PRUNE2: variants seen among roughly 807,000 people sequenced by gnomAD.
PRUNE2 encodes the protein protein prune homolog 2.
Under a neutral mutation model 252.0 loss-of-function variants are expected in PRUNE2, and 164 were observed. That is an observed-to-expected ratio of 0.65 (90% CI 0.57 to 0.74). The LOEUF (loss-of-function observed/expected upper bound fraction) is 0.74. Among genes scored for constraint, PRUNE2 ranks in the 30% least tolerant of loss-of-function variants. PRUNE2 has a pLI of 0.00. For synonymous variants in PRUNE2, 1,292 were observed against 1,350.2 expected (o/e 0.96, Z 0.94); for missense variants, 3,495 against 3,711.0 (o/e 0.94, Z 1.51).
chr9:76,641,381 G>A lies in PRUNE2; in HGVS notation c.8729-3093C>T, dbSNP rs192712780. On this transcript the variant is annotated intron_variant, in intron 12 of 18. Transcript: ENST00000376718. ...TCCTCCAAAATCAAGAGCCAGTGCC[G>A]TTGGCAGGCTTGGGAGATATTTCAG... is the stretch of plus-strand genomic sequence containing the variant. Among the ~76,000 whole-genome samples the A allele has an allele frequency of 2.2e-3, 334 of 152,268 alleles. 1 individual carries two copies. The highest frequency in any genetic ancestry group is 3.8e-3 in the Non-Finnish European group (260 of 68,014).
intron 6 of PRUNE2, among the ~76,000 whole-genome samples, chr9:76,727,130 T>G (rs1222171494): frequency 6.6e-6 from 1 of 152,236 alleles, no homozygotes; most frequent in Non-Finnish European, 1.5e-5. Context: ...ATAGCATATC[T>G]GGCCTTGACC....
intron 12 of PRUNE2, among the ~76,000 whole-genome samples, chr9:76,642,990 G>C (rs1286002032): frequency 1.3e-5 from 2 of 152,160 alleles, no homozygotes; most frequent in East Asian, 1.9e-4. Context: ...ACAGAATGGA[G>C]ACGAGCAAAT....
chr9:76,711,068 GA>G lies in PRUNE2; in HGVS notation c.1205del (p.Phe402SerfsTer2), dbSNP rs753123522. ...CATTGAGATCTGGAGGGTTCTCTAT[GA>G]AATTCACAGAGCTGGGTTGTGGCTC... is the stretch of plus-strand genomic sequence containing the variant. ...DIEPQPSSVN[F>X]IENPPDLNDS... is the part of the protein sequence containing the mutation. On this transcript the variant is annotated frameshift_variant, in exon 8 of 19. Coordinates refer to ENST00000376718, the MANE Select transcript of PRUNE2 (RefSeq NM_015225.3). LOFTEE classifies it high-confidence loss of function. 1 of 1,614,012 alleles carries G rather than the reference GA, an allele frequency of 6.2e-7. No homozygotes were observed. Among genetic ancestry groups the G allele is most frequent in the Admixed American group, 1.7e-5 (1 of 60,016 alleles).
chr9:76,614,496 C>T lies in PRUNE2; in HGVS notation c.*74G>A. Reference sequence around the variant, plus strand: ...AAAGTGGAAAAAGGTAACATCAGCCCTGTCTCTTTCAGGTAGATATGTTTC... The same window carrying T: ...AAAGTGGAAAAAGGTAACATCAGCCTTGTCTCTTTCAGGTAGATATGTTTC... On this transcript the variant is annotated 3_prime_UTR_variant, in exon 19 of 19. Transcript: ENST00000376718. The T allele has an allele frequency of 8.0e-7, 1 of 1,250,214 alleles. No homozygotes were observed. The highest frequency in any genetic ancestry group is 1.2e-6 in the Non-Finnish European group (1 of 852,208). 77.4% of individuals were successfully genotyped at this position (1,250,214 alleles called of 1,614,324 possible). A position where few individuals can be genotyped will look rare whatever the true frequency, so the allele number is the denominator to read the frequency against.
intron 6 of PRUNE2, among the ~76,000 whole-genome samples, chr9:76,736,270 AC>A (rs1412507708): frequency 1.3e-5 from 2 of 152,148 alleles, no homozygotes; most frequent in African/African-American, 2.4e-5. Context: ...GTGAAAAAAA[AC>A]CACATAAAGT....
Position 76,703,763 on chromosome 9 carries a change from T to C in PRUNE2, c.7850A>G (p.Lys2617Arg). 1.2e-6 allele frequency: 2 copies of C among 1,613,756 alleles called. No individual in the cohort carries two copies. Among genetic ancestry groups the C allele is most frequent in the Non-Finnish European group, 1.7e-6 (2 of 1,179,872 alleles). ...KGLSAEKMSS[K>R]SDTRSSFESP... ...TTCAAAAGATGATCTCGTATCGCTT[T>C]TAGAAGACATTTTCTCTGCAGAGAG... is the stretch of plus-strand genomic sequence containing the variant. Residue 2617 changes from lysine (K) to arginine (R), a missense_variant, in exon 9 of 19, where the codon AAA (lysine) becomes AGA (arginine). Coordinates refer to ENST00000376718, the MANE Select transcript of PRUNE2 (RefSeq NM_015225.3).
rs2048278788 is a variant in PRUNE2 at position 76,728,099 on chromosome 9, A to G, written c.757-14378T>C. ...TCTTTTATCTCCATAATGGTAACCT[A>G]AAATATGGCAGATATTTGAGGGTAT... On this transcript the variant is annotated intron_variant, in intron 6 of 18. Coordinates refer to ENST00000376718, the MANE Select transcript of PRUNE2 (RefSeq NM_015225.3). 2.6e-5 allele frequency among the ~76,000 whole-genome samples: 4 copies of G among 152,156 alleles called. No individual in the cohort carries two copies. The South Asian group carries it at 8.3e-4, about 32-fold the overall frequency.
chr9:76,904,266 G>A (rs894931043), intron 1 of PRUNE2, among the ~76,000 whole-genome samples: 2 of 151,552 alleles, frequency 1.3e-5, no homozygotes, highest in African/African-American at 4.9e-5. Context: ...GCAATTGCTC[G>A]TCTAATGAAG....
chr9:76,835,587 T>C (rs956236378), intron 4 of PRUNE2, among the ~76,000 whole-genome samples: 1 of 152,188 alleles, frequency 6.6e-6, no homozygotes, highest in South Asian at 2.1e-4. Context: ...ATTTTGGTTT[T>C]ATAACTAGCA....
intron 6 of PRUNE2, among the ~76,000 whole-genome samples, chr9:76,726,166 A>G (rs1262707599): frequency 1.3e-5 from 2 of 152,196 alleles, no homozygotes; most frequent in Non-Finnish European, 2.9e-5. Context: ...TTTGGTCATG[A>G]GTTTGAAAAC....
rs558381708 is a variant in PRUNE2 at position 76,749,137 on chromosome 9, A to G, written c.757-35416T>C. On this transcript the variant is annotated intron_variant, in intron 6 of 18. Coordinates refer to ENST00000376718, the MANE Select transcript of PRUNE2 (RefSeq NM_015225.3). ...GGATTACAAGACGTCGGTTCCATGT[A>G]GAAACTAAAGATTACACTGTAACAT... 4.1e-4 allele frequency among the ~76,000 whole-genome samples: 62 copies of G among 152,362 alleles called. 2 individuals carry two copies. In the Middle Eastern group the frequency reaches 0.01, roughly 25 times the overall value.
At chr9:76,847,935 T>C (rs2059755426) in intron 3 of PRUNE2, among the ~76,000 whole-genome samples, 1 of 152,184 alleles carries the variant, frequency 6.6e-6, no homozygotes, top group South Asian at 2.1e-4. Flanking sequence ...CAATTGATTG[T>C]ATTTATCTGT....
intron 9 of PRUNE2, among the ~76,000 whole-genome samples, chr9:76,664,839 T>A (rs945060139): frequency 2.0e-5 from 3 of 152,200 alleles, no homozygotes; most frequent in African/African-American, 7.2e-5. Context: ...CAGCAATAGC[T>A]AACTAATACA....
intron 2 of PRUNE2, among the ~76,000 whole-genome samples, chr9:76,852,363 G>C (rs1174082660): frequency 1.3e-5 from 2 of 152,202 alleles, no homozygotes; most frequent in Non-Finnish European, 2.9e-5. Context: ...ATGTAAATCA[G>C]GCATGTGGCC....
intron 6 of PRUNE2, among the ~76,000 whole-genome samples, chr9:76,724,303 CAAAAAAA>C (rs796291956): frequency 1.0e-3 from 70 of 69,410 alleles, no homozygotes; most frequent in Middle Eastern, 0.021. Context: ...GATAGAAATA[CAAAAAAA>C]AAAAAAAAAA....
chr9:76,868,423 C>T lies in PRUNE2; in HGVS notation c.37-14215G>A, dbSNP rs537561964. Among the ~76,000 whole-genome samples, 21 of 152,324 alleles carry T rather than the reference C, an allele frequency of 1.4e-4. No individual in the cohort carries two copies. In the South Asian group the frequency reaches 4.3e-3, roughly 32 times the overall value. The stretch of plus-strand genomic sequence containing the variant: ...TGCCTTGCAGGTGTCCACACATACA[C>T]TCAGGCCTGAGCTGGTTTACTGTGC... On this transcript the variant is annotated intron_variant, in intron 1 of 18. Coordinates refer to ENST00000376718, the MANE Select transcript of PRUNE2 (RefSeq NM_015225.3).
Position 76,705,100 on chromosome 9 carries a change from A to G in PRUNE2, c.7174T>C (p.Tyr2392His). 1 of 1,614,018 alleles carries G rather than the reference A, an allele frequency of 6.2e-7. No individual in the cohort carries two copies. The highest frequency in any genetic ancestry group is 8.5e-7 in the Non-Finnish European group (1 of 1,179,896). Residue 2392 changes from tyrosine to histidine, a missense_variant, in exon 8 of 19, where the codon TAC (tyrosine) becomes CAC (histidine). By Grantham distance (83) the Tyr-to-His change is moderately conservative (BLOSUM62 2). Transcript: ENST00000376718. Reference sequence around the variant, plus strand: ...TAAGACAAATCAAAGGGAGGTGTGTACGGTGCCAGCGACTGCTTCAGAGAA... The same window carrying G: ...TAAGACAAATCAAAGGGAGGTGTGTGCGGTGCCAGCGACTGCTTCAGAGAA... The part of the protein sequence containing the change: ...EDSLKQSLAP[Y>H]TPPFDLSYLT...
chr9:76,869,785 G>A (rs555471773), intron 1 of PRUNE2, among the ~76,000 whole-genome samples: 19 of 152,240 alleles, frequency 1.2e-4, no homozygotes, highest in South Asian at 8.3e-4. Flanking sequence ...GGGAAAATAC[G>A]GTTTTATGAT....
At chr9:76,725,985 G>A (rs7866240) in intron 6 of PRUNE2, among the ~76,000 whole-genome samples, 59,959 of 152,128 alleles carry the variant, frequency 0.39, 12,433 homozygotes, top group Admixed American at 0.54. Flanking sequence ...GCCTGAGCAC[G>A]CGCTGGGAGA....
Sources: allele counts gnomAD v4.1 joint callset (sites outside exome capture counted in the v4.1 genomes callset), GRCh38; gene constraint gnomAD v4.1.1; transcripts MANE v1.5; gene names NCBI Gene and HGNC (gene_info 2026-07-23, HGNC 2026-07-21).